GNAL: variants seen among roughly 807,000 people sequenced by gnomAD.
GNAL encodes the protein guanine nucleotide-binding protein G(olf) subunit alpha.
Under a neutral mutation model 55.1 loss-of-function variants are expected in GNAL, and 18 were observed. That is an observed-to-expected ratio of 0.33 (90% confidence interval 0.23 to 0.48). The LOEUF (loss-of-function observed/expected upper bound fraction) is 0.48. Ranked by LOEUF, GNAL falls within the 20% of genes least tolerant of loss-of-function variation. The pLI is 0.99. For missense variants in GNAL, 412 were observed against 614.1 expected, an observed-to-expected ratio of 0.67 and a Z score of 3.48; for synonymous variants, 253 against 237.0, an observed-to-expected ratio of 1.07 and a Z score of -0.62.
At chr18:11,824,482 G>A (rs1296548011) in intron 4 of GNAL, among the ~76,000 whole-genome samples, 1 of 152,052 alleles carries the variant, frequency 6.6e-6, no homozygotes, top group East Asian at 1.9e-4. Context: ...GAGGTCAGGA[G>A]TTCGAGACCA....
intron 1 of GNAL, among the ~76,000 whole-genome samples, chr18:11,713,583 G>GCCATCCTA (rs2031886089): frequency 6.6e-6 from 1 of 152,144 alleles, no homozygotes; most frequent in Non-Finnish European, 1.5e-5. Flanking sequence ...TGCAGGTTGT[G>GCCATCCTA]GGTCAGACTA....
At chr18:11,690,000 C>CGGT (rs2031188332) in intron 1 of GNAL, 61 bp downstream of exon 1, 1 of 1,011,608 alleles carries the variant, frequency 9.9e-7, no homozygotes, top group Non-Finnish European at 1.3e-6. Flanking sequence ...CCCGCGGGGG[C>CGGT]GGCGGGCACC....
rs62097396 is a variant in GNAL, at chr18:11,881,159, G to A, written c.*24G>A. ...GAGGATGCTGCCGCCACCCTGCGAC[G>A]GAGCGGCGCCCCGGACTGCCTGACT... is the stretch of plus-strand genomic sequence containing the variant. On this transcript the variant is annotated 3_prime_UTR_variant, in exon 12 of 12. Coordinates refer to ENST00000334049, the MANE Select transcript of GNAL (RefSeq NM_182978.4). The surrounding 1 kb of genome is among the most constrained non-coding windows in gnomAD (Gnocchi z 4.8). 996 of 1,586,190 alleles carry A rather than the reference G, an allele frequency of 6.3e-4. 4 individuals are homozygous for A. The highest frequency in any genetic ancestry group is 8.0e-4 in the Non-Finnish European group (936 of 1,163,690).
chr18:11,716,336 C>T (rs148151484), intron 1 of GNAL, among the ~76,000 whole-genome samples: 650 of 149,916 alleles, frequency 4.3e-3, no homozygotes, highest in African/African-American at 0.016. Context: ...CTGGTGGGTT[C>T]GTGGTCTCAC....
At chr18:11,740,170 C>A (rs576936860) in intron 1 of GNAL, among the ~76,000 whole-genome samples, 1 of 152,194 alleles carries the variant, frequency 6.6e-6, no homozygotes, top group East Asian at 1.9e-4. Flanking sequence ...CGTTACAGTA[C>A]TTAACTGTTT....
At chr18:11,735,144 A>C (rs1468545801) in intron 1 of GNAL, among the ~76,000 whole-genome samples, 1 of 151,552 alleles carries the variant, frequency 6.6e-6, no homozygotes, top group Non-Finnish European at 1.5e-5. Context: ...TCCACCTCCC[A>C]GGTTCAAGTG....
intron 4 of GNAL, among the ~76,000 whole-genome samples, chr18:11,754,650 A>G (rs2032980810): frequency 6.6e-6 from 1 of 152,230 alleles, no homozygotes; most frequent in Non-Finnish European, 1.5e-5. Flanking sequence ...GAATTACAGA[A>G]AGAGCAGAAT....
intron 1 of GNAL, among the ~76,000 whole-genome samples, chr18:11,717,890 A>C (rs2032011310): frequency 1.3e-5 from 2 of 152,208 alleles, no homozygotes; most frequent in Non-Finnish European, 2.9e-5. Flanking sequence ...ACCTCAAGAC[A>C]CAAGTTTGCC....
chr18:11,769,271 A>G (rs2033558324), intron 4 of GNAL, among the ~76,000 whole-genome samples: 1 of 149,982 alleles, frequency 6.7e-6, no homozygotes, highest in Non-Finnish European at 1.5e-5. Flanking sequence ...CTCATGTGGT[A>G]TAGACTAGAC....
At chr18:11,793,414 A>C (rs2034289482) in intron 4 of GNAL, among the ~76,000 whole-genome samples, 1 of 151,994 alleles carries the variant, frequency 6.6e-6, no homozygotes, top group Admixed American at 6.6e-5. Flanking sequence ...CATCTCTTAC[A>C]AGACAATTTA....
At position 11,751,763 on chromosome 18, in the gene GNAL, G is replaced by A. The variant is rs868384412; in HGVS notation, c.377-1090G>A. 1 of 629,596 alleles carries A rather than the reference G, an allele frequency of 1.6e-6. No homozygotes were observed. Among genetic ancestry groups the A allele is most frequent in the Non-Finnish European group, 2.0e-6 (1 of 504,168 alleles). The allele number at this position is 629,596 out of a possible 1,614,324, so 39.0% of individuals were successfully genotyped here. ...GGGTCAGCTCCCTGACCCCTACAGC[G>A]CGGTAGCGCCTCTCCGAGAGCTCCG... is the stretch of plus-strand genomic sequence containing the variant. On this transcript the variant is annotated intron_variant, in intron 1 of 11. Transcript: ENST00000334049. The surrounding 1 kb of genome is among the most constrained non-coding windows in gnomAD (Gnocchi z 4.5).
intron 5 of GNAL, among the ~76,000 whole-genome samples, chr18:11,846,839 A>G (rs1384682413): frequency 6.6e-6 from 1 of 151,880 alleles, no homozygotes; most frequent in East Asian, 1.9e-4. Context: ...ATCCTCCCAA[A>G]GTGTTGTGAT....
In GNAL at chr18:11,752,115, C is replaced by T. The variant is rs1265425506; in HGVS notation, c.377-738C>T. On this transcript the variant is annotated intron_variant, in intron 1 of 11. Coordinates refer to ENST00000334049, the MANE Select transcript of GNAL (RefSeq NM_182978.4). This position sits in a 1 kb window ranked among gnomAD's most constrained non-coding sequence, Gnocchi z 4.5. ...CGGGGCGCTGCGCCACCTCGGCTGT[C>T]TCCAGCGGAGACCGGCGCCCTCGCC... 5.1e-6 allele frequency: 1 copy of T among 194,800 alleles called. No homozygotes were observed. The highest frequency in any genetic ancestry group is 6.3e-5 in the Admixed American group (1 of 15,892). 12.1% of individuals were successfully genotyped at this position (194,800 alleles called of 1,614,324 possible). A position where few individuals can be genotyped will look rare whatever the true frequency, so the allele number is the denominator to read the frequency against.
intron 1 of GNAL, among the ~76,000 whole-genome samples, chr18:11,738,264 C>T (rs185927950): frequency 4.6e-5 from 7 of 152,328 alleles, no homozygotes; most frequent in Non-Finnish European, 8.8e-5. Context: ...CCTCCTCCAG[C>T]GTTTAGGCTC....
rs143600624 is a variant in GNAL at position 11,697,091 on chromosome 18, A to G, written c.376+7152A>G. Among the ~76,000 whole-genome samples the G allele has an allele frequency of 8.4e-3, 1,287 of 152,368 alleles. 10 individuals are homozygous for G. The highest frequency in any genetic ancestry group is 0.011 in the Non-Finnish European group (746 of 68,032). On this transcript the variant is annotated intron_variant, in intron 1 of 11. Transcript: ENST00000334049. ...TGAAATAATGTATGTAAATTCACAT[A>G]ATGAGATCGCACATCCTAGCAAAGG... is the stretch of plus-strand genomic sequence containing the variant.
Position 11,739,024 on chromosome 18 carries a change from A to G in GNAL, c.377-13829A>G, listed in dbSNP as rs117564468. Among the ~76,000 whole-genome samples the G allele has an allele frequency of 3.3e-3, 502 of 152,246 alleles. 21 individuals are homozygous for G. In the East Asian group the frequency reaches 0.083, roughly 25 times the overall value. ...GCATCACCGAAGTACACGAGCAGAA[A>G]CACCATGATGGTGTCCGCTGCCCAC... On this transcript the variant is annotated intron_variant, in intron 1 of 11. Transcript: ENST00000334049.
chr18:11,881,339 T>A lies in GNAL; in HGVS notation c.*204T>A. ...TCATTGAATACGGCCTCCCGCAGCA[T>A]CCCACCCCCAAACCACCGACTCTCA... On this transcript the variant is annotated 3_prime_UTR_variant, in exon 12 of 12. Transcript: ENST00000334049. This position sits in a 1 kb window ranked among gnomAD's most constrained non-coding sequence, Gnocchi z 4.8. 1 of 464,464 alleles carries A rather than the reference T, an allele frequency of 2.2e-6. No individual in the cohort carries two copies. The allele number at this position is 464,464 out of a possible 1,614,324, so 28.8% of individuals were successfully genotyped here.
chr18:11,746,076 C>A (rs1451439028), intron 1 of GNAL: 1 of 456,950 alleles, frequency 2.2e-6, no homozygotes, highest in Non-Finnish European at 4.3e-6. Flanking sequence ...AGCTGAAGTT[C>A]TTGTTCCATT....
intron 4 of GNAL, among the ~76,000 whole-genome samples, chr18:11,790,322 G>C (rs7230040): frequency 6.6e-6 from 1 of 151,310 alleles, no homozygotes; most frequent in Admixed American, 6.6e-5. Context: ...CCCAGCTTCC[G>C]ACACTCTGAG....
Sources: gnomAD v4.1 joint callset for allele counts (sites outside exome capture counted in the v4.1 genomes callset) on GRCh38, gnomAD v4.1.1 for gene constraint, Gnocchi (gnomAD v3.1) non-coding constraint, MANE v1.5 for transcripts, NCBI Gene and HGNC (gene_info 2026-07-23, HGNC 2026-07-21) for gene names.